The following XKR9 variants were observed in gnomAD, a reference collection of about 807,000 sequenced individuals.
XKR9 encodes the protein XK related 9.
Under a neutral mutation model 32.0 loss-of-function variants are expected in XKR9, and 32 were observed. The ratio of observed to expected loss-of-function variants is 1.00; its 90% CI spans 0.76 to 1.34. The LOEUF is 1.34. Among genes scored for constraint, XKR9 ranks in the 40% most tolerant of loss-of-function variants. The pLI is 0.00. For synonymous variants in XKR9, 168 were observed against 143.4 expected (o/e 1.17, Z -1.22); for missense variants, 546 against 429.7 (o/e 1.27, Z -2.39).
At chr8:70,995,593 A>C in the XKR9 span, among the ~76,000 whole-genome samples, 1 of 152,220 alleles carries the variant, frequency 6.6e-6, no homozygotes, top group South Asian at 2.1e-4. Context: ...ACTCCTATAT[A>C]CTTGGTATCT....
chr8:70,886,710 A>G, the XKR9 span, among the ~76,000 whole-genome samples: 3 of 150,642 alleles, frequency 2.0e-5, no homozygotes, highest in Non-Finnish European at 3.0e-5. Context: ...GTGTCTGTTC[A>G]TATCCTTCAC....
chr8:70,755,626 G>A (rs1054825029), intron 2 of XKR9, among the ~76,000 whole-genome samples: 1 of 151,828 alleles, frequency 6.6e-6, no homozygotes, highest in Admixed American at 6.6e-5. Context: ...GGATGAAATT[G>A]GAAATCATCA....
Position 70,733,799 on chromosome 8 carries a change from C to G in XKR9, c.497C>G (p.Ala166Gly), listed in dbSNP as rs140711820. ...TTTTTATTTTTTTGTTTTGTAGATG[C>G]GGCCATCATGGTCTCTTGCTGTGCT... ...EHGQANFSQYAAIMVSCCAIS... is the reference protein window; with the variant it reads ...EHGQANFSQYGAIMVSCCAIS... Residue 166 changes from alanine to glycine, a missense_variant, in exon 5 of 5, where the codon GCG becomes GGG. Ala to Gly is a moderately conservative substitution (Grantham distance 60). Coordinates refer to ENST00000408926, the MANE Select transcript of XKR9 (RefSeq NM_001011720.2). The G allele has an allele frequency of 3.2e-5, 50 of 1,546,444 alleles. No homozygotes were observed. Among genetic ancestry groups the G allele is most frequent in the Admixed American group, 4.5e-5 (2 of 44,548 alleles).
At chr8:70,848,147 G>T in the XKR9 span, among the ~76,000 whole-genome samples, 1 of 152,112 alleles carries the variant, frequency 6.6e-6, no homozygotes, top group Non-Finnish European at 1.5e-5. Context: ...TCCCAGGGAT[G>T]CAAGGATGGT....
the XKR9 span, among the ~76,000 whole-genome samples, chr8:70,880,237 C>A: frequency 6.6e-6 from 1 of 152,162 alleles, no homozygotes; most frequent in Non-Finnish European, 1.5e-5. Context: ...CCTCTCTCAC[C>A]ACTCCTATTC....
intron 2 of XKR9, among the ~76,000 whole-genome samples, chr8:70,765,380 A>T (rs1366090149): frequency 6.6e-6 from 1 of 152,196 alleles, no homozygotes; most frequent in Non-Finnish European, 1.5e-5. Context: ...TTGGCTGCAA[A>T]AATGTCTTCT....
At chr8:70,985,743 A>C in the XKR9 span, among the ~76,000 whole-genome samples, 1 of 152,208 alleles carries the variant, frequency 6.6e-6, no homozygotes, top group Non-Finnish European at 1.5e-5. Flanking sequence ...AATAAAAACA[A>C]GAACAAATAT....
the XKR9 span, among the ~76,000 whole-genome samples, chr8:70,842,694 G>A: frequency 2.0e-5 from 3 of 152,108 alleles, no homozygotes; most frequent in South Asian, 6.2e-4. Flanking sequence ...TTTTTATGTA[G>A]CCAGTTACTG....
At position 70,735,162 on chromosome 8, in the gene XKR9, T is replaced by C. The variant is rs1233187561; in HGVS notation, c.*738T>C. ...TTAATCACTTTGAGTGTACAGTTCA[T>C]CAGTGTTAACTGTATTCACCTTGTG... On this transcript the variant is annotated 3_prime_UTR_variant, in exon 5 of 5. Transcript: ENST00000408926. The C allele has an allele frequency of 6.6e-6, 1 of 152,056 alleles. No homozygotes were observed. Among genetic ancestry groups the C allele is most frequent in the East Asian group, 1.9e-4 (1 of 5,198 alleles). 9.4% of individuals were successfully genotyped at this position (152,056 alleles called of 1,614,324 possible).
At chr8:70,755,768 G>A (rs1807214159) in intron 2 of XKR9, among the ~76,000 whole-genome samples, 1 of 144,602 alleles carries the variant, frequency 6.9e-6, no homozygotes, top group African/African-American at 2.5e-5. Flanking sequence ...GTGGGGTGGG[G>A]GGAGGGGGGG....
the XKR9 span, among the ~76,000 whole-genome samples, chr8:71,000,905 T>C: frequency 0.32 from 48,501 of 152,176 alleles, 9,072 homozygotes; most frequent in Non-Finnish European, 0.43. Context: ...AGAGGGCTAC[T>C]TCTTCTTGGA....
the XKR9 span, among the ~76,000 whole-genome samples, chr8:70,947,191 A>T: frequency 1.3e-5 from 2 of 152,268 alleles, no homozygotes; most frequent in African/African-American, 4.8e-5. Context: ...AGACCTGAAA[A>T]TATATCCTGC....
At chr8:70,942,611 T>C in the XKR9 span, among the ~76,000 whole-genome samples, 1 of 152,154 alleles carries the variant, frequency 6.6e-6, no homozygotes, top group Non-Finnish European at 1.5e-5. Flanking sequence ...GTGCCAGCAT[T>C]GGACATACAT....
At chr8:70,802,619 C>G in the XKR9 span, among the ~76,000 whole-genome samples, 1 of 152,136 alleles carries the variant, frequency 6.6e-6, no homozygotes, top group East Asian at 1.9e-4. Context: ...TCTTTTCTTT[C>G]CGTATTTAGC....
chr8:70,784,420 C>A (rs1443745158), intron 2 of XKR9, among the ~76,000 whole-genome samples: 1 of 150,856 alleles, frequency 6.6e-6, no homozygotes. Flanking sequence ...ATTTTTTTTA[C>A]CTCTTTAGTT....
downstream of XKR9, among the ~76,000 whole-genome samples, chr8:70,736,537 G>T (rs575039260): frequency 6.6e-5 from 10 of 152,080 alleles, no homozygotes; most frequent in African/African-American, 2.2e-4. Flanking sequence ...CATGAATTCT[G>T]TGCCCATGCC....
chr8:70,912,288 A>G, the XKR9 span, among the ~76,000 whole-genome samples: 1 of 152,162 alleles, frequency 6.6e-6, no homozygotes, highest in African/African-American at 2.4e-5. Flanking sequence ...TAACATCACT[A>G]GTAGTGTGAA....
intron 4 of XKR9, among the ~76,000 whole-genome samples, chr8:70,722,450 A>T (rs1027042024): frequency 1.3e-5 from 2 of 151,950 alleles, no homozygotes; most frequent in African/African-American, 4.8e-5. Context: ...TTTCCTTTCC[A>T]TATTTAGTGC....
At chr8:70,812,453 A>T in the XKR9 span, among the ~76,000 whole-genome samples, 1 of 152,348 alleles carries the variant, frequency 6.6e-6, no homozygotes, top group East Asian at 1.9e-4. Context: ...GCAATTAGGC[A>T]GGAGAAGGAA....
Sources: allele counts gnomAD v4.1 joint callset (sites outside exome capture counted in the v4.1 genomes callset), GRCh38; gene constraint gnomAD v4.1.1; transcripts MANE v1.5; gene names NCBI Gene and HGNC (gene_info 2026-07-23, HGNC 2026-07-21).